The following PHF20 variants were observed in gnomAD, a reference collection of about 807,000 sequenced individuals.
PHF20 encodes glioma-expressed antigen 2.
PHF20 carries 23 observed loss-of-function variants against 113.5 expected under a neutral mutation model. The observed-to-expected ratio is 0.20, with a 90% CI of 0.15 to 0.29. The LOEUF (loss-of-function observed/expected upper bound fraction) is 0.29. Ranked by LOEUF, PHF20 falls within the 10% of genes least tolerant of loss-of-function variation. PHF20 has a pLI of 1.00. For missense variants in PHF20, 943 were observed against 1,219.6 expected (o/e 0.77, Z 3.38); for synonymous variants, 434 against 457.3 (o/e 0.95, Z 0.65).
intron 13 of PHF20, among the ~76,000 whole-genome samples, chr20:35,918,592 A>G (rs2055450239): frequency 6.6e-6 from 1 of 152,234 alleles, no homozygotes; most frequent in Non-Finnish European, 1.5e-5. Flanking sequence ...TTTTGTGTTC[A>G]AGAGGCTAGG....
At position 35,913,263 on chromosome 20, in the gene PHF20, G is replaced by A. The variant is rs753923235; in HGVS notation, c.1576G>A (p.Glu526Lys). The A allele has an allele frequency of 1.3e-6, 2 of 1,599,434 alleles. No homozygotes were observed. Among genetic ancestry groups the A allele is most frequent in the South Asian group, 2.2e-5 (2 of 89,220 alleles). Residue 526 changes from glutamate (E) to lysine (K), a missense_variant, in exon 11 of 18, where the codon GAA becomes AAA. Glu to Lys is a moderately conservative substitution (Grantham distance 56). Transcript: ENST00000374012. The stretch of plus-strand genomic sequence containing the variant: ...TTTAATTCTAGCTACAAAAGACAAG[G>A]AAAAGAATAAAGAGAAGAAATTCAA... ...SASSPTTKDK[E>K]KNKEKKFKEF...
intron 2 of PHF20, among the ~76,000 whole-genome samples, chr20:35,805,354 TTTATTATTATTATTA>T (rs3056929): frequency 5.9e-4 from 74 of 125,188 alleles, no homozygotes; most frequent in Non-Finnish European, 5.2e-4. Context: ...CGCCTGATTT[TTTATTATTATTATTA>T]TTATTATTAT....
chr20:35,881,867 G>A (rs1486951356), intron 9 of PHF20, among the ~76,000 whole-genome samples: 1 of 152,238 alleles, frequency 6.6e-6, no homozygotes, highest in Admixed American at 6.5e-5. Context: ...GGCCTGCAGG[G>A]CCCAGCTTCT....
intron 7 of PHF20, among the ~76,000 whole-genome samples, chr20:35,869,888 A>T (rs2054386921): frequency 6.6e-6 from 1 of 152,130 alleles, no homozygotes; most frequent in Non-Finnish European, 1.5e-5. Context: ...GGCCTGGCGC[A>T]GTGGCTCATG....
chr20:35,913,101 G>A (rs1036360010), intron 10 of PHF20, 148 bp from the exon 11 acceptor site: 2 of 577,960 alleles, frequency 3.5e-6, no homozygotes, highest in Admixed American at 3.1e-5. Context: ...AAGTGATGGA[G>A]GCGTGGCTCT....
At chr20:35,857,691 T>A (rs974272746) in intron 4 of PHF20, among the ~76,000 whole-genome samples, 5 of 151,426 alleles carry the variant, frequency 3.3e-5, no homozygotes, top group African/African-American at 9.7e-5. Flanking sequence ...GTTCAAGTGA[T>A]TCTCCTGCCT....
intron 2 of PHF20, among the ~76,000 whole-genome samples, chr20:35,822,392 T>C (rs189060821): frequency 6.6e-6 from 1 of 151,534 alleles, no homozygotes; most frequent in East Asian, 1.9e-4. Flanking sequence ...TACTGTATGA[T>C]TGTGCTTGGG....
At position 35,946,102 on chromosome 20, in the gene PHF20, C is replaced by T. The variant is rs533282495; in HGVS notation, c.2897-1383C>T. 3.3e-5 allele frequency among the ~76,000 whole-genome samples: 5 copies of T among 151,954 alleles called. No homozygotes were observed. The East Asian group carries it at 9.7e-4, about 29-fold the overall frequency. On this transcript the variant is annotated intron_variant, in intron 17 of 17. Coordinates refer to ENST00000374012, the MANE Select transcript of PHF20 (RefSeq NM_016436.5). ...AGGAGAATCGCCTGTACCCGGGAGG[C>T]GGAGGTTGCAGTGAGTCGAGATCAT...
intron 2 of PHF20, among the ~76,000 whole-genome samples, chr20:35,825,511 G>A (rs1428882059): frequency 6.6e-6 from 1 of 151,994 alleles, no homozygotes; most frequent in Non-Finnish European, 1.5e-5. Flanking sequence ...CTCCTGCCTC[G>A]GCCTCCCAAA....
intron 2 of PHF20, among the ~76,000 whole-genome samples, chr20:35,824,786 A>G (rs2042233742): frequency 6.6e-6 from 1 of 152,178 alleles, no homozygotes; most frequent in Non-Finnish European, 1.5e-5. Flanking sequence ...TTCCCAGCCT[A>G]GGCAAACACG....
intron 2 of PHF20, among the ~76,000 whole-genome samples, chr20:35,812,654 A>T (rs982563249): frequency 7.2e-5 from 11 of 152,086 alleles, no homozygotes; most frequent in African/African-American, 2.7e-4. Context: ...TGTGTTTCAT[A>T]TTGCATCACA....
intron 1 of PHF20, among the ~76,000 whole-genome samples, chr20:35,792,575 C>G (rs2041579219): frequency 6.6e-6 from 1 of 152,032 alleles, no homozygotes; most frequent in Non-Finnish European, 1.5e-5. Flanking sequence ...TCCCTCCTTC[C>G]CTACCTTGTC....
At chr20:35,884,935 A>G (rs1299393121) in intron 9 of PHF20, among the ~76,000 whole-genome samples, 1 of 152,084 alleles carries the variant, frequency 6.6e-6, no homozygotes, top group Non-Finnish European at 1.5e-5. Context: ...GGTTCAAGCA[A>G]TTCTCCTGTC....
intron 2 of PHF20, among the ~76,000 whole-genome samples, chr20:35,812,126 A>G (rs1280527500): frequency 6.6e-6 from 1 of 152,152 alleles, no homozygotes; most frequent in Non-Finnish European, 1.5e-5. Context: ...AGAGGACATT[A>G]TACCTTCCAC....
chr20:35,878,778 T>A (rs916683462), intron 9 of PHF20: 12 of 700,352 alleles, frequency 1.7e-5, no homozygotes, highest in African/African-American at 1.4e-4. Context: ...CTTGTTTTAG[T>A]TAGACGTCTC....
intron 2 of PHF20, among the ~76,000 whole-genome samples, chr20:35,803,081 G>A (rs1448634212): frequency 1.3e-5 from 2 of 150,226 alleles, no homozygotes; most frequent in Admixed American, 1.3e-4. Context: ...ATGAAACCCC[G>A]TCTTTACTAA....
chr20:35,772,622 G>A (rs2041084993), intron 1 of PHF20, among the ~76,000 whole-genome samples: 1 of 151,894 alleles, frequency 6.6e-6, no homozygotes, highest in African/African-American at 2.4e-5. Flanking sequence ...TTAAGCTCTA[G>A]CTCTGGAATT....
intron 16 of PHF20, 75 bp downstream of exon 16, chr20:35,939,183 C>A: frequency 7.2e-7 from 1 of 1,382,504 alleles, no homozygotes; most frequent in Non-Finnish European, 9.8e-7. Context: ...TTTGAATGCT[C>A]TATGGAAGAT....
intron 1 of PHF20, among the ~76,000 whole-genome samples, chr20:35,779,300 G>C (rs1221485852): frequency 6.6e-6 from 1 of 152,038 alleles, no homozygotes. Context: ...CTCCCAAAGT[G>C]CTAGGTTTAC....
Sources: allele counts gnomAD v4.1 joint callset (sites outside exome capture counted in the v4.1 genomes callset), GRCh38; gene constraint gnomAD v4.1.1; transcripts MANE v1.5; gene names NCBI Gene and HGNC (gene_info 2026-07-23, HGNC 2026-07-21).